Variants in WRN observed in about 807,000 individuals in gnomAD.
WRN encodes the protein WRN RecQ like helicase.
A neutral mutation model predicts 180.7 loss-of-function variants in WRN; 149 were observed. That is an observed-to-expected ratio of 0.82 (90% CI 0.72 to 0.94). The LOEUF is 0.94. WRN is among the 40% of genes least tolerant of loss of function. The pLI is 0.00. For synonymous variants in WRN, 548 were observed against 568.9 expected (o/e 0.96, Z 0.52); for missense variants, 1,661 against 1,700.1 (o/e 0.98, Z 0.40).
intron 21 of WRN, 143 bp downstream of exon 21, chr8:31,120,567 A>C (rs71521399): frequency 1.2e-6 from 1 of 862,308 alleles, no homozygotes; most frequent in Non-Finnish European, 1.7e-6. Flanking sequence ...GAAAAATAAA[A>C]CCTCCCCAAA....
intron 31 of WRN, 30 bp from the exon 32 acceptor site, chr8:31,154,594 A>T (rs1803298966): frequency 1.3e-6 from 2 of 1,594,762 alleles, no homozygotes. Flanking sequence ...GATATTACTG[A>T]TCATTTGTGC....
rs370713742 is a variant in WRN, at chr8:31,141,440, G to A, written c.2978G>A (p.Arg993His). 89 of 1,613,870 alleles carry A rather than the reference G, an allele frequency of 5.5e-5. No homozygotes were observed. Among genetic ancestry groups the A allele is most frequent in the Middle Eastern group, 3.3e-4 (2 of 6,084 alleles). ...ILFLRGSNSQ[R>H]LADQYRRHSL... ...TATTCCTAATTTCAGAATTCTCAGC[G>A]TCTTGCCGATCAATATCGCAGGCAC... Residue 993 changes from arginine (R) to histidine (H), a missense_variant, in exon 25 of 35, where the codon CGT (arginine) becomes CAT (histidine). By Grantham distance (29) the Arg-to-His change is conservative (BLOSUM62 0). This residue lies in a region of WRN where 1,141 missense variants were observed against 1,149.4 expected (regional missense o/e 0.99). Transcript: ENST00000298139.
chr8:31,036,125 C>G (rs888344293), intron 1 of WRN, among the ~76,000 whole-genome samples: 1 of 152,316 alleles, frequency 6.6e-6, no homozygotes, highest in Admixed American at 6.5e-5. Flanking sequence ...ATTTGTCTTT[C>G]CCTGCCTGGT....
At chr8:31,096,931 A>C in intron 17 of WRN, 81 bp downstream of exon 17, 1 of 1,304,496 alleles carries the variant, frequency 7.7e-7, no homozygotes, top group Non-Finnish European at 1.1e-6. Flanking sequence ...ACTGGATTTC[A>C]CTTCTGTTAA....
chr8:31,064,173 G>A, intron 3 of WRN, 116 bp from the exon 4 acceptor site: 2 of 1,134,302 alleles, frequency 1.8e-6, no homozygotes, highest in Admixed American at 2.1e-5. Context: ...AGTTGTATGT[G>A]CTCCAGATAA....
chr8:31,151,249 T>C (rs1384436404), intron 31 of WRN, among the ~76,000 whole-genome samples: 1 of 152,148 alleles, frequency 6.6e-6, no homozygotes, highest in Non-Finnish European at 1.5e-5. Flanking sequence ...ATAGAAGACA[T>C]GGGATAAGTA....
chr8:31,081,259 A>T lies in WRN; in HGVS notation c.1232A>T (p.Glu411Val). The T allele has an allele frequency of 6.2e-7, 1 of 1,613,212 alleles. No individual in the cohort carries two copies. The highest frequency in any genetic ancestry group is 8.5e-7 in the Non-Finnish European group (1 of 1,179,400). Residue 411 changes from glutamate (E) to valine (V), a missense_variant, in exon 9 of 35, where the codon GAA becomes GTA. Coordinates refer to ENST00000298139, the MANE Select transcript of WRN (RefSeq NM_000553.6). ...CAAATTTTGGAACAGCAGTCTCAGG[A>T]AGAATATCTTAGTGATATTGCTTAT... Reference protein sequence around the residue: ...ELQILEQQSQEEYLSDIAYKS... With the variant: ...ELQILEQQSQVEYLSDIAYKS...
rs1585483312 is a variant in WRN, at chr8:31,120,338, T to A, written c.2544T>A (p.Tyr848Ter). The change falls in exon 21 of 35, where the codon TAT becomes TAA. Residue 848 changes from tyrosine (Y) to a stop codon, truncating the protein, a stop_gained. Transcript: ENST00000298139. LOFTEE classifies it high-confidence loss of function. ...HYGAPKDMES[Y>*]YQEIGRAGRD... ...GTGCTCCTAAGGACATGGAATCATA[T>A]TATCAGGAGATTGGTAGAGCTGGTC... is the stretch of plus-strand genomic sequence containing the variant. The A allele has an allele frequency of 6.2e-7, 1 of 1,613,080 alleles. No individual in the cohort carries two copies. Among genetic ancestry groups the A allele is most frequent in the Non-Finnish European group, 8.5e-7 (1 of 1,179,204 alleles).
chr8:31,149,807 T>G (rs1194348006), intron 30 of WRN, among the ~76,000 whole-genome samples: 2 of 152,030 alleles, frequency 1.3e-5, no homozygotes, highest in Non-Finnish European at 2.9e-5. Flanking sequence ...ATAATAATCA[T>G]TAGATAGGCA....
At chr8:31,138,122 A>T (rs1269275481) in intron 24 of WRN, among the ~76,000 whole-genome samples, 1 of 151,946 alleles carries the variant, frequency 6.6e-6, no homozygotes, top group Non-Finnish European at 1.5e-5. Context: ...AATTAGAACT[A>T]GTTATCTGGA....
At chr8:31,072,382 T>C (rs180955742) in intron 7 of WRN, among the ~76,000 whole-genome samples, 1 of 152,314 alleles carries the variant, frequency 6.6e-6, no homozygotes, top group East Asian at 1.9e-4. Flanking sequence ...ATTTGGAGCA[T>C]ATGCTATTCA....
chr8:31,159,985 T>A (rs1471050434), intron 33 of WRN, among the ~76,000 whole-genome samples: 3 of 138,308 alleles, frequency 2.2e-5, no homozygotes, highest in African/African-American at 5.2e-5. Context: ...CTGACAAGTT[T>A]TAGTTTGTGC....
intron 16 of WRN, among the ~76,000 whole-genome samples, 186 bp downstream of exon 16, chr8:31,092,084 GA>G (rs1357828230): frequency 4.0e-5 from 6 of 150,094 alleles, no homozygotes; most frequent in African/African-American, 7.3e-5. Context: ...CTAAATGCAT[GA>G]AAAAAAAAGT....
chr8:31,104,428 A>T (rs1178858221), intron 18 of WRN, among the ~76,000 whole-genome samples: 1 of 152,154 alleles, frequency 6.6e-6, no homozygotes, highest in Non-Finnish European at 1.5e-5. Context: ...TGTAGATATG[A>T]GTCCTTGGTC....
Position 31,141,426 on chromosome 8 carries a change from T to G in WRN, c.2968-4T>G. On this transcript the variant is annotated splice_polypyrimidine_tract_variant and splice_region_variant and intron_variant, in intron 24 of 34. Coordinates refer to ENST00000298139, the MANE Select transcript of WRN (RefSeq NM_000553.6). Reference sequence around the variant, plus strand: ...TTAGATACTGATTTTATTCCTAATTTCAGAATTCTCAGCGTCTTGCCGATC... The same window carrying G: ...TTAGATACTGATTTTATTCCTAATTGCAGAATTCTCAGCGTCTTGCCGATC... 3 of 1,614,100 alleles carry G rather than the reference T, an allele frequency of 1.9e-6. No homozygotes were observed. Among genetic ancestry groups the G allele is most frequent in the Non-Finnish European group, 2.5e-6 (3 of 1,180,030 alleles).
At chr8:31,155,075 T>C (rs1803325479) in intron 32 of WRN, among the ~76,000 whole-genome samples, 1 of 152,150 alleles carries the variant, frequency 6.6e-6, no homozygotes. Context: ...ACTATAAATA[T>C]TCACAGTGTT....
chr8:31,064,348 A>G lies in WRN; in HGVS notation c.269A>G (p.Asn90Ser), dbSNP rs1812611292. 1 of 1,614,156 alleles carries G rather than the reference A, an allele frequency of 6.2e-7. No individual in the cohort carries two copies. Among genetic ancestry groups the G allele is most frequent in the Non-Finnish European group, 8.5e-7 (1 of 1,180,008 alleles). The change falls in exon 4 of 35, where the codon AAT becomes AGT. Residue 90 changes from asparagine to serine, a missense_variant. Physicochemically the swap from Asn to Ser is conservative, Grantham distance 46. Transcript: ENST00000298139. Reference sequence around the variant, plus strand: ...GACATGGAGTGGCCACCATTATACAATAGAGGGAAACTTGGCAAAGTTGCA... The same window carrying G: ...GACATGGAGTGGCCACCATTATACAGTAGAGGGAAACTTGGCAAAGTTGCA... ...GFDMEWPPLY[N>S]RGKLGKVALI...
intron 24 of WRN, among the ~76,000 whole-genome samples, chr8:31,138,786 G>A (rs1216427062): frequency 6.6e-6 from 1 of 152,036 alleles, no homozygotes; most frequent in East Asian, 1.9e-4. Context: ...AGGAGAGCAT[G>A]GTACAGATTC....
intron 24 of WRN, among the ~76,000 whole-genome samples, chr8:31,136,259 T>C (rs1310592152): frequency 6.6e-6 from 1 of 152,222 alleles, no homozygotes; most frequent in Non-Finnish European, 1.5e-5. Context: ...TCCCAAGATA[T>C]TGGCATTACA....
Sources: gnomAD v4.1 joint callset for allele counts (sites outside exome capture counted in the v4.1 genomes callset) on GRCh38, gnomAD v4.1.1 for gene constraint, gnomAD v4.1.1 regional missense constraint, MANE v1.5 for transcripts, NCBI Gene and HGNC (gene_info 2026-07-23, HGNC 2026-07-21) for gene names.